Variants in ERG observed in about 807,000 individuals in gnomAD.
ERG encodes transcriptional regulator ERG.
ERG carries 9 observed loss-of-function variants against 55.3 expected under a neutral mutation model. The observed-to-expected ratio is 0.16, with a 90% confidence interval of 0.10 to 0.28. ERG has a LOEUF of 0.28. ERG is among the 10% of genes least tolerant of loss of function. The pLI is 1.00. For synonymous variants in ERG, 223 were observed against 237.3 expected (o/e 0.94, Z 0.55); for missense variants, 434 against 631.6 (o/e 0.69, Z 3.35).
At chr21:38,535,510 C>T (rs756520522) in intron 2 of ERG, among the ~76,000 whole-genome samples, 6 of 152,166 alleles carry the variant, frequency 3.9e-5, no homozygotes, top group African/African-American at 7.2e-5. Context: ...ACATCTTACA[C>T]TCGTGAATAT....
intron 1 of ERG, among the ~76,000 whole-genome samples, chr21:38,454,992 A>C (rs2058974012): frequency 6.6e-6 from 1 of 152,184 alleles, no homozygotes; most frequent in African/African-American, 2.4e-5. Flanking sequence ...TTTGTGCAGG[A>C]AGGAATGAAT....
chr21:38,480,515 A>C lies in ERG; in HGVS notation c.18+17848T>G, dbSNP rs1321187277. ...TAGGTTGTAATAATTTGTCACAGCT[A>C]TCCTGAGAAACTGGTAACAGTACTT... is the stretch of plus-strand genomic sequence containing the variant. On this transcript the variant is annotated intron_variant, in intron 1 of 9. Transcript: ENST00000288319. 7.2e-5 allele frequency among the ~76,000 whole-genome samples: 5 copies of C among 69,126 alleles called. No individual in the cohort carries two copies. In the East Asian group the frequency reaches 2.8e-3, roughly 39 times the overall value. The allele number at this position is 69,126 out of a possible 152,430, so 45.3% of individuals were successfully genotyped here.
intron 1 of ERG, chr21:38,471,054 G>A (rs1011804835): frequency 6.6e-6 from 1 of 152,178 alleles, no homozygotes; most frequent in Non-Finnish European, 1.5e-5. Flanking sequence ...TCACCACAGA[G>A]GTTGCCAGTG....
chr21:38,590,015 T>C (rs759099901), intron 1 of ERG, among the ~76,000 whole-genome samples: 49 of 152,322 alleles, frequency 3.2e-4, no homozygotes, highest in Admixed American at 2.2e-3. Flanking sequence ...TCAGTTCTAA[T>C]TTTAAAATAA....
chr21:38,483,195 C>G (rs2059253194), intron 1 of ERG, among the ~76,000 whole-genome samples: 1 of 152,126 alleles, frequency 6.6e-6, no homozygotes, highest in South Asian at 2.1e-4. Flanking sequence ...GTGAACAAGT[C>G]TAGAGATCTA....
intron 1 of ERG, among the ~76,000 whole-genome samples, chr21:38,655,610 T>G (rs1190327948): frequency 2.0e-5 from 3 of 152,212 alleles, no homozygotes; most frequent in African/African-American, 4.8e-5. Context: ...GACATCTGAC[T>G]ACGAACAACT....
intron 1 of ERG, among the ~76,000 whole-genome samples, chr21:38,576,565 T>C (rs2059995875): frequency 6.6e-6 from 1 of 152,164 alleles, no homozygotes; most frequent in African/African-American, 2.4e-5. Flanking sequence ...TCATCCAATA[T>C]ATTCCTTTAT....
rs56195027 is a variant in ERG at position 38,592,571 on chromosome 21, CTGTGTGTGTG to C, written c.-149-7636_-149-7627del. Among the ~76,000 whole-genome samples, 859 of 147,882 alleles carry C rather than the reference CTGTGTGTGTG, an allele frequency of 5.8e-3. 5 individuals are homozygous for C. The highest frequency in any genetic ancestry group is 0.018 in the African/African-American group (724 of 40,152). ...GGCTGCTTATTGTCATCTCCCTTCA[CTGTGTGTGTG>C]TGTGTGTGTGTGTGTGTGTGTGTGT... On this transcript the variant is annotated intron_variant, in intron 1 of 10. Coordinates refer to the ERG transcript ENST00000398910.
intron 1 of ERG, among the ~76,000 whole-genome samples, chr21:38,591,407 G>T (rs9983661): frequency 0.056 from 8,581 of 152,270 alleles, 321 homozygotes; most frequent in Non-Finnish European, 0.08. Context: ...GTTAGGGAGG[G>T]AGTGGCAGTT....
At chr21:38,639,791 A>G (rs2060412406) in intron 1 of ERG, among the ~76,000 whole-genome samples, 1 of 152,206 alleles carries the variant, frequency 6.6e-6, no homozygotes. Context: ...AATGTTTCTT[A>G]AAGGGAATCA....
chr21:38,518,234 GTGTATCTATCTATCTATCTATC>G (rs1219128259), intron 2 of ERG, among the ~76,000 whole-genome samples: 2 of 134,972 alleles, frequency 1.5e-5, no homozygotes, highest in African/African-American at 5.5e-5. Context: ...ATGTGTGTGT[GTGTATCTATCTATCTATCTATC>G]TATCTATCTA....
chr21:38,655,291 C>T (rs79495873), intron 1 of ERG, among the ~76,000 whole-genome samples: 1,618 of 152,120 alleles, frequency 0.011, 32 homozygotes, highest in African/African-American at 0.036. Context: ...CTGAGACCCC[C>T]GTTCACTCTC....
intron 1 of ERG, among the ~76,000 whole-genome samples, chr21:38,494,303 G>A (rs923820221): frequency 1.3e-5 from 2 of 152,232 alleles, no homozygotes; most frequent in Non-Finnish European, 2.9e-5. Context: ...GCTACCAAAC[G>A]CTGGAACAGC....
intron 1 of ERG, among the ~76,000 whole-genome samples, chr21:38,455,540 A>C (rs1331967263): frequency 6.6e-6 from 1 of 152,202 alleles, no homozygotes; most frequent in Non-Finnish European, 1.5e-5. Context: ...TGGCCCTTTC[A>C]AAACACACAA....
intron 1 of ERG, among the ~76,000 whole-genome samples, chr21:38,625,623 C>G (rs1388437802): frequency 6.6e-6 from 1 of 152,158 alleles, no homozygotes; most frequent in Admixed American, 6.5e-5. Context: ...GAACGCTCCT[C>G]AAACTTGAAC....
intron 9 of ERG, among the ~76,000 whole-genome samples, chr21:38,389,314 GGA>G (rs1461502472): frequency 6.6e-6 from 1 of 152,076 alleles, no homozygotes; most frequent in Non-Finnish European, 1.5e-5. Flanking sequence ...TCTGTAGGAT[GGA>G]GATAGTAACC....
In ERG at chr21:38,475,123, G is replaced by A. The variant is rs751073633; in HGVS notation, c.18+23240C>T. Among the ~76,000 whole-genome samples the A allele has an allele frequency of 4.6e-5, 7 of 151,004 alleles. No homozygotes were observed. In the East Asian group the frequency reaches 8.1e-4, roughly 17 times the overall value. On this transcript the variant is annotated intron_variant, in intron 1 of 9. Transcript: ENST00000288319. The stretch of plus-strand genomic sequence containing the variant: ...TCCAAAGCGCATGCCCATAAACGCG[G>A]AACATAATGCACCAAATGGCCTAGA...
At chr21:38,496,016 A>G (rs905458536) in intron 1 of ERG, among the ~76,000 whole-genome samples, 7 of 152,356 alleles carry the variant, frequency 4.6e-5, no homozygotes, top group African/African-American at 1.4e-4. Flanking sequence ...TAAAATTCAC[A>G]GACACTTAGA....
intron 2 of ERG, among the ~76,000 whole-genome samples, chr21:38,541,691 GATAA>G (rs2059753566): frequency 1.3e-5 from 2 of 152,102 alleles, no homozygotes; most frequent in Non-Finnish European, 2.9e-5. Context: ...ATATATGTAG[GATAA>G]ATAATTTGTA....
Sources: gnomAD v4.1 joint callset for allele counts (sites outside exome capture counted in the v4.1 genomes callset) on GRCh38, gnomAD v4.1.1 for gene constraint, MANE v1.5 for transcripts, NCBI Gene and HGNC (gene_info 2026-07-23, HGNC 2026-07-21) for gene names.